The following PTPN13 variants were observed in gnomAD, a reference collection of about 807,000 sequenced individuals.
PTPN13 encodes protein tyrosine phosphatase non-receptor type 13.
Under a neutral mutation model 284.0 loss-of-function variants are expected in PTPN13, and 191 were observed. The ratio of observed to expected loss-of-function variants is 0.67; its 90% CI spans 0.60 to 0.76. The LOEUF (loss-of-function observed/expected upper bound fraction) is 0.76. PTPN13 is among the 30% of genes least tolerant of loss of function. PTPN13 has a pLI of 0.00. For missense variants in PTPN13, 2,797 were observed against 2,939.9 expected, an observed-to-expected ratio of 0.95 and a Z score of 1.12; for synonymous variants, 986 against 1,022.3, an observed-to-expected ratio of 0.96 and a Z score of 0.68.
At chr4:86,812,265 C>A (rs868121587) in intron 47 of PTPN13, among the ~76,000 whole-genome samples, 5 of 146,656 alleles carry the variant, frequency 3.4e-5, no homozygotes, top group African/African-American at 1.0e-4. Flanking sequence ...AGCCGAGATC[C>A]CGCCACTGCA....
At chr4:86,595,565 A>G (rs1481121007) in intron 1 of PTPN13, 2 of 155,198 alleles carry the variant, frequency 1.3e-5, no homozygotes, top group Admixed American at 6.5e-5. Context: ...TTCATTGGCC[A>G]TACACGTATA....
At chr4:86,615,648 A>C (rs1296741105) in intron 1 of PTPN13, among the ~76,000 whole-genome samples, 4 of 152,120 alleles carry the variant, frequency 2.6e-5, no homozygotes, top group Non-Finnish European at 5.9e-5. Flanking sequence ...TCCTCTCCAG[A>C]TGGTTATTTC....
intron 2 of PTPN13, among the ~76,000 whole-genome samples, chr4:86,638,761 T>C (rs1425666115): frequency 1.3e-5 from 2 of 152,108 alleles, no homozygotes; most frequent in Non-Finnish European, 2.9e-5. Context: ...ATTCAGGACA[T>C]AGGCATGGGC....
intron 17 of PTPN13, among the ~76,000 whole-genome samples, chr4:86,747,575 C>T (rs1319892382): frequency 3.1e-5 from 4 of 127,576 alleles, no homozygotes; most frequent in African/African-American, 1.1e-4. Context: ...GCAGCAGCAG[C>T]AGCAGCAGTA....
chr4:86,785,471 C>A, intron 39 of PTPN13, 103 bp downstream of exon 39: 1 of 994,172 alleles, frequency 1.0e-6, no homozygotes, highest in Non-Finnish European at 1.4e-6. Flanking sequence ...TTCTTCTGTT[C>A]CTCATTCATG....
At chr4:86,777,051 A>G (rs1371591834) in intron 35 of PTPN13, among the ~76,000 whole-genome samples, 1 of 152,188 alleles carries the variant, frequency 6.6e-6, no homozygotes, top group Non-Finnish European at 1.5e-5. Context: ...ATTATAAAAC[A>G]TGCTAATAGC....
rs539670543 is a variant in PTPN13 at position 86,726,108 on chromosome 4, T to C, written c.1608+3674T>C. On this transcript the variant is annotated intron_variant, in intron 10 of 47. Transcript: ENST00000411767. ...CTACATTTCTTGTTTTTGTCAGGTT[T>C]GTCAAAGATCAGTTGGTTGTAGATG... is the stretch of plus-strand genomic sequence containing the variant. 3.4e-4 allele frequency among the ~76,000 whole-genome samples: 51 copies of C among 149,772 alleles called. 3 individuals are homozygous for C. The highest frequency in any genetic ancestry group is 6.3e-4 in the Non-Finnish European group (42 of 66,686).
intron 1 of PTPN13, among the ~76,000 whole-genome samples, chr4:86,628,826 A>G (rs1412099613): frequency 7.6e-4 from 107 of 139,980 alleles, no homozygotes; most frequent in Admixed American, 8.7e-4. Context: ...TACAAAGGAC[A>G]TGAACTCATC....
intron 12 of PTPN13, among the ~76,000 whole-genome samples, chr4:86,733,060 A>T (rs972677158): frequency 1.3e-5 from 2 of 152,090 alleles, no homozygotes; most frequent in Non-Finnish European, 2.9e-5. Flanking sequence ...AATGGTCTAC[A>T]TGTGTACTCT....
At chr4:86,659,482 T>C (rs1246544732) in intron 2 of PTPN13, among the ~76,000 whole-genome samples, 3 of 152,174 alleles carry the variant, frequency 2.0e-5, no homozygotes, top group African/African-American at 4.8e-5. Context: ...TTTAAATAAA[T>C]TAAAAACTCA....
chr4:86,632,870 A>G (rs372199904), intron 1 of PTPN13, among the ~76,000 whole-genome samples: 2 of 152,062 alleles, frequency 1.3e-5, no homozygotes, highest in African/African-American at 4.8e-5. Context: ...GTACAGAAGC[A>G]TGATCATAGC....
chr4:86,682,635 A>G (rs888299961), intron 3 of PTPN13, among the ~76,000 whole-genome samples: 2 of 152,152 alleles, frequency 1.3e-5, no homozygotes, highest in Non-Finnish European at 2.9e-5. Flanking sequence ...CAATATATAT[A>G]TGCAGTCTGT....
At chr4:86,772,753 T>C in intron 31 of PTPN13, 25 bp from the exon 32 acceptor site, 1 of 1,558,494 alleles carries the variant, frequency 6.4e-7, no homozygotes, top group Non-Finnish European at 8.7e-7. Flanking sequence ...TATTTAAAAA[T>C]AGTCTTACTT....
In PTPN13 at chr4:86,775,272, A is replaced by G. The variant is rs1397819411; in HGVS notation, c.5610A>G (p.Glu1870=). The G allele has an allele frequency of 6.2e-7, 1 of 1,613,776 alleles. No homozygotes were observed. Among genetic ancestry groups the G allele is most frequent in the Admixed American group, 1.7e-5 (1 of 60,008 alleles). The change falls in exon 34 of 48, where the codon GAA becomes GAG. Residue 1870 remains glutamate (E), a synonymous_variant. Coordinates refer to ENST00000411767, the MANE Select transcript of PTPN13 (RefSeq NM_080683.3). ...TVRLVIGRVL[E]LPRIPMLPHL... ...GATTAGTTATTGGACGAGTTCTAGA[A>G]TTACCCAGAATACCAATGTTGCCTC... is the stretch of plus-strand genomic sequence containing the variant.
chr4:86,682,657 T>C (rs1488624648), intron 3 of PTPN13, among the ~76,000 whole-genome samples: 1 of 152,190 alleles, frequency 6.6e-6, no homozygotes, highest in Non-Finnish European at 1.5e-5. Flanking sequence ...ACCCATCTAT[T>C]GCTGCTATTT....
intron 7 of PTPN13, among the ~76,000 whole-genome samples, chr4:86,705,501 G>A (rs1439674191): frequency 6.6e-6 from 1 of 152,000 alleles, no homozygotes; most frequent in Non-Finnish European, 1.5e-5. Flanking sequence ...GATAAATCAA[G>A]CAGAACTGTA....
At chr4:86,805,189 C>G in intron 43 of PTPN13, 90 bp from the exon 44 acceptor site, 1 of 723,184 alleles carries the variant, frequency 1.4e-6, no homozygotes, top group Non-Finnish European at 2.2e-6. Context: ...CCTTAATCAA[C>G]CAATTTTGCC....
At chr4:86,799,452 C>T (rs1743740431) in intron 42 of PTPN13, among the ~76,000 whole-genome samples, 1 of 151,780 alleles carries the variant, frequency 6.6e-6, no homozygotes, top group Non-Finnish European at 1.5e-5. Context: ...CTGCCTCAGC[C>T]TCGAGTAGCT....
chr4:86,607,487 A>G (rs567931056), intron 1 of PTPN13, among the ~76,000 whole-genome samples: 1 of 152,142 alleles, frequency 6.6e-6, no homozygotes, highest in African/African-American at 2.4e-5. Context: ...CTGTTGAGGT[A>G]CACGCAATCC....
Sources: gnomAD v4.1 joint callset for allele counts (sites outside exome capture counted in the v4.1 genomes callset) on GRCh38, gnomAD v4.1.1 for gene constraint, MANE v1.5 for transcripts, NCBI Gene and HGNC (gene_info 2026-07-23, HGNC 2026-07-21) for gene names.